Variants in KCND2 observed in about 807,000 individuals in gnomAD.
KCND2 encodes A-type voltage-gated potassium channel KCND2.
KCND2 carries 16 observed loss-of-function variants against 54.4 expected under a neutral mutation model. That is an observed-to-expected ratio of 0.29 (90% CI 0.20 to 0.45). KCND2 has a LOEUF of 0.45. Among genes scored for constraint, KCND2 ranks in the 20% least tolerant of loss-of-function variants. The pLI is 1.00. For missense variants in KCND2, 486 were observed against 824.2 expected, an observed-to-expected ratio of 0.59 and a Z score of 5.02; for synonymous variants, 317 against 310.7, an observed-to-expected ratio of 1.02 and a Z score of -0.21.
intron 1 of KCND2, among the ~76,000 whole-genome samples, chr7:120,596,663 G>T (rs1436007773): frequency 6.6e-6 from 1 of 152,112 alleles, no homozygotes; most frequent in Non-Finnish European, 1.5e-5. Context: ...ATTCACAAAT[G>T]TCTGGTAAAT....
chr7:120,695,340 A>G (rs1792320741), intron 1 of KCND2, among the ~76,000 whole-genome samples: 1 of 152,108 alleles, frequency 6.6e-6, no homozygotes, highest in African/African-American at 2.4e-5. Flanking sequence ...CAGAAAAAGT[A>G]TGTTTGTCCT....
chr7:120,661,661 AGAAAG>A (rs748000593), intron 1 of KCND2, among the ~76,000 whole-genome samples: 1 of 148,136 alleles, frequency 6.8e-6, no homozygotes, highest in Non-Finnish European at 1.5e-5. Context: ...AAAAAAAAAA[AGAAAG>A]AAAGGAGAGC....
In KCND2 at chr7:120,522,669, C is replaced by G. The variant is rs570455200; in HGVS notation, c.1116-210234C>G. Reference sequence around the variant, plus strand: ...CAATCCTGAGAATCATTCCTGATAGCCCAGAAAGTGTAAATAAAAGTCACG... The same window carrying G: ...CAATCCTGAGAATCATTCCTGATAGGCCAGAAAGTGTAAATAAAAGTCACG... On this transcript the variant is annotated intron_variant, in intron 1 of 5. Coordinates refer to ENST00000331113, the MANE Select transcript of KCND2 (RefSeq NM_012281.3). Among the ~76,000 whole-genome samples, 23 of 152,186 alleles carry G rather than the reference C, an allele frequency of 1.5e-4. No homozygotes were observed. In the South Asian group the frequency reaches 4.8e-3, roughly 32 times the overall value.
intron 1 of KCND2, among the ~76,000 whole-genome samples, chr7:120,405,641 A>G (rs1801339862): frequency 6.6e-6 from 1 of 152,160 alleles, no homozygotes; most frequent in African/African-American, 2.4e-5. Flanking sequence ...TTATAAGGTT[A>G]TATCTGCAAA....
intron 1 of KCND2, among the ~76,000 whole-genome samples, chr7:120,505,905 C>T (rs906367015): frequency 5.3e-5 from 8 of 151,668 alleles, no homozygotes; most frequent in Admixed American, 4.0e-4. Flanking sequence ...GAAAACAACA[C>T]ATTTGACATT....
At chr7:120,584,846 G>A (rs1347894232) in intron 1 of KCND2, among the ~76,000 whole-genome samples, 1 of 152,090 alleles carries the variant, frequency 6.6e-6, no homozygotes, top group African/African-American at 2.4e-5. Context: ...AATTGTATTG[G>A]GTTTGTAAAA....
At chr7:120,479,921 C>T (rs1476333421) in intron 1 of KCND2, among the ~76,000 whole-genome samples, 2 of 143,954 alleles carry the variant, frequency 1.4e-5, no homozygotes, top group Non-Finnish European at 3.0e-5. Flanking sequence ...GAGCCGAGAT[C>T]GCGCCACTGC....
chr7:120,616,769 G>T (rs1476200069), intron 1 of KCND2, among the ~76,000 whole-genome samples: 1 of 152,068 alleles, frequency 6.6e-6, no homozygotes, highest in Non-Finnish European at 1.5e-5. Context: ...TGTGTGTTAG[G>T]TTATAATGTA....
At chr7:120,495,804 C>G (rs1021893964) in intron 1 of KCND2, among the ~76,000 whole-genome samples, 5 of 152,082 alleles carry the variant, frequency 3.3e-5, no homozygotes, top group Admixed American at 6.6e-5. Flanking sequence ...AAAATGAGGT[C>G]TCACAAATAG....
intron 1 of KCND2, among the ~76,000 whole-genome samples, chr7:120,498,278 G>A (rs1356408306): frequency 6.6e-6 from 1 of 152,000 alleles, no homozygotes; most frequent in Non-Finnish European, 1.5e-5. Flanking sequence ...TCAAGAGATC[G>A]GGACCATCCT....
chr7:120,566,935 TGTTAA>T (rs1319692520), intron 1 of KCND2, among the ~76,000 whole-genome samples: 25 of 152,302 alleles, frequency 1.6e-4, no homozygotes, highest in African/African-American at 5.5e-4. Context: ...CTGGCTCATT[TGTTAA>T]GTTGATGATT....
chr7:120,555,795 C>T (rs1344080226), intron 1 of KCND2, among the ~76,000 whole-genome samples: 1 of 152,084 alleles, frequency 6.6e-6, no homozygotes, highest in Non-Finnish European at 1.5e-5. Context: ...AACAGATCTG[C>T]CAGAAAATTT....
At chr7:120,692,133 T>C (rs907309727) in intron 1 of KCND2, among the ~76,000 whole-genome samples, 4 of 152,040 alleles carry the variant, frequency 2.6e-5, no homozygotes, top group Non-Finnish European at 5.9e-5. Flanking sequence ...GAATGTGCTG[T>C]AAAGGGAGGG....
intron 1 of KCND2, among the ~76,000 whole-genome samples, chr7:120,603,067 A>G (rs553581415): frequency 6.6e-6 from 1 of 152,320 alleles, no homozygotes; most frequent in East Asian, 1.9e-4. Flanking sequence ...ACACTACTAA[A>G]TAACACAAGT....
intron 1 of KCND2, among the ~76,000 whole-genome samples, chr7:120,338,887 CT>C (rs913305133): frequency 5.4e-5 from 8 of 148,172 alleles, no homozygotes; most frequent in African/African-American, 1.5e-4. Context: ...TTGCTACTAT[CT>C]TTTTTTTTTG....
At chr7:120,581,540 C>T (rs1460825370) in intron 1 of KCND2, among the ~76,000 whole-genome samples, 1 of 152,090 alleles carries the variant, frequency 6.6e-6, no homozygotes, top group African/African-American at 2.4e-5. Flanking sequence ...CAATAATGAG[C>T]ACAGATAGCA....
At chr7:120,566,079 G>A (rs1432251187) in intron 1 of KCND2, among the ~76,000 whole-genome samples, 1 of 152,078 alleles carries the variant, frequency 6.6e-6, no homozygotes, top group African/African-American at 2.4e-5. Context: ...TACCAAAAAT[G>A]GTGCACTTGC....
chr7:120,275,015 T>C lies in KCND2; in HGVS notation c.383T>C (p.Ile128Thr). Residue 128 changes from isoleucine to threonine, a missense_variant, in exon 1 of 6, where the codon ATC (isoleucine) becomes ACC (threonine). Around this residue, in one of 7 missense-constraint regions of KCND2, gnomAD observed 231 missense variants for 386.0 expected, o/e 0.60. Coordinates refer to ENST00000331113, the MANE Select transcript of KCND2 (RefSeq NM_012281.3). ...GCCTTCTTTGGCCTCATCCCGGAAA[T>C]CATCGGCGACTGCTGTTATGAGGAG... ...ELAFFGLIPE[I>T]IGDCCYEEYK... 1 of 1,614,042 alleles carries C rather than the reference T, an allele frequency of 6.2e-7. No homozygotes were observed. The highest frequency in any genetic ancestry group is 8.5e-7 in the Non-Finnish European group (1 of 1,180,036).
intron 1 of KCND2, among the ~76,000 whole-genome samples, chr7:120,362,970 G>C (rs1002660609): frequency 3.3e-5 from 5 of 151,994 alleles, no homozygotes; most frequent in Non-Finnish European, 5.9e-5. Flanking sequence ...AAGGAGAGAA[G>C]AGAGTGATAA....
Sources: gnomAD v4.1 joint callset for allele counts (sites outside exome capture counted in the v4.1 genomes callset) on GRCh38, gnomAD v4.1.1 for gene constraint, gnomAD v4.1.1 regional missense constraint, MANE v1.5 for transcripts, NCBI Gene and HGNC (gene_info 2026-07-23, HGNC 2026-07-21) for gene names.